The following ERAP1 variants were observed in gnomAD, a reference collection of about 807,000 sequenced individuals.
ERAP1 encodes the protein adipocyte-derived leucine aminopeptidase.
Under a neutral mutation model 103.7 loss-of-function variants are expected in ERAP1, and 86 were observed. The ratio of observed to expected loss-of-function variants is 0.83; its 90% CI spans 0.70 to 0.99. The LOEUF (loss-of-function observed/expected upper bound fraction) is 0.99, where lower values mean the gene tolerates loss of function less well. ERAP1 is among the 50% of genes least tolerant of loss of function. The pLI is 0.00. For missense variants in ERAP1, 1,009 were observed against 1,128.4 expected (o/e 0.89, Z 1.52); for synonymous variants, 398 against 402.4 (o/e 0.99, Z 0.13).
chr5:96,889,307 T>A, the ERAP1 span: 1 of 1,614,056 alleles, frequency 6.2e-7, no homozygotes, highest in East Asian at 2.2e-5. Context: ...CCAAACTGGG[T>A]ATGTTCAAAT....
At chr5:96,887,073 G>GTGTATATATA in the ERAP1 span, among the ~76,000 whole-genome samples, 7 of 87,162 alleles carry the variant, frequency 8.0e-5, no homozygotes, top group African/African-American at 3.1e-4. Context: ...AATTTTCAAA[G>GTGTATATATA]TATATATATA....
At chr5:96,834,720 T>A in the ERAP1 span, among the ~76,000 whole-genome samples, 1 of 152,232 alleles carries the variant, frequency 6.6e-6, no homozygotes, top group Non-Finnish European at 1.5e-5. Flanking sequence ...AACCTGTGAA[T>A]GTTATCACTG....
the ERAP1 span, chr5:96,934,721 A>G: frequency 1.3e-5 from 2 of 152,306 alleles, no homozygotes; most frequent in African/African-American, 4.8e-5. Flanking sequence ...TCCCTGTTTG[A>G]GCAGGCTGTT....
intron 16 of ERAP1, 44 bp from the exon 17 acceptor site, chr5:96,781,242 GA>G (rs750681839): frequency 6.3e-7 from 1 of 1,580,150 alleles, no homozygotes; most frequent in African/African-American, 1.4e-5. Flanking sequence ...AATAGGTGAT[GA>G]AACAGTTATG....
At chr5:96,928,836 T>C in the ERAP1 span, among the ~76,000 whole-genome samples, 2 of 152,048 alleles carry the variant, frequency 1.3e-5, no homozygotes, top group Non-Finnish European at 2.9e-5. Context: ...TCGCAATAGA[T>C]AGAAAACAAC....
At chr5:96,796,357 G>A (rs1777344007) in intron 4 of ERAP1, among the ~76,000 whole-genome samples, 1 of 152,202 alleles carries the variant, frequency 6.6e-6, no homozygotes, top group African/African-American at 2.4e-5. Context: ...GAACAAGTGT[G>A]CCTTGAAACA....
chr5:96,877,501 C>T, the ERAP1 span, among the ~76,000 whole-genome samples: 1 of 152,238 alleles, frequency 6.6e-6, no homozygotes, highest in Non-Finnish European at 1.5e-5. Context: ...TAATTACTTA[C>T]TTCCTATATG....
At chr5:96,869,330 C>A in the ERAP1 span, among the ~76,000 whole-genome samples, 1 of 152,230 alleles carries the variant, frequency 6.6e-6, no homozygotes, top group East Asian at 1.9e-4. Flanking sequence ...TCACCCTCTA[C>A]CCTCCACTGA....
At chr5:96,855,637 T>C in the ERAP1 span, among the ~76,000 whole-genome samples, 74 of 152,166 alleles carry the variant, frequency 4.9e-4, no homozygotes, top group Non-Finnish European at 8.5e-4. Context: ...GCGATGGCAT[T>C]TTGAAAACTA....
chr5:96,808,184 ATCCGTGTGTGTG>A (rs1424485579), upstream of ERAP1: 119 of 882,978 alleles, frequency 1.3e-4, 3 homozygotes, highest in Admixed American at 1.1e-3. Context: ...CTGAACGCGG[ATCCGTGTGTGTG>A]TGTGTGTGTG....
chr5:96,874,857 G>A, the ERAP1 span, among the ~76,000 whole-genome samples: 1 of 152,246 alleles, frequency 6.6e-6, no homozygotes. Context: ...TATGAAGAGT[G>A]TCTGCAACAT....
the ERAP1 span, chr5:96,917,584 T>C: frequency 6.2e-7 from 1 of 1,613,702 alleles, no homozygotes; most frequent in South Asian, 1.1e-5. Context: ...CTCTGAGGAC[T>C]TGGCTAATGG....
the ERAP1 span, among the ~76,000 whole-genome samples, chr5:96,865,061 C>A: frequency 6.6e-6 from 1 of 152,042 alleles, no homozygotes; most frequent in African/African-American, 2.4e-5. Flanking sequence ...AGAAATTTTT[C>A]TATGGATTTT....
the ERAP1 span, among the ~76,000 whole-genome samples, chr5:96,834,426 A>G: frequency 2.6e-5 from 4 of 152,234 alleles, no homozygotes; most frequent in Non-Finnish European, 5.9e-5. Context: ...CAATGGGCCT[A>G]TTATTAATGT....
chr5:96,851,423 A>C, the ERAP1 span, among the ~76,000 whole-genome samples: 1 of 152,194 alleles, frequency 6.6e-6, no homozygotes, highest in Non-Finnish European at 1.5e-5. Flanking sequence ...GGGAGAAATA[A>C]AAATCTCGAG....
intron 19 of ERAP1, among the ~76,000 whole-genome samples, chr5:96,763,485 G>A (rs1364300793): frequency 6.6e-6 from 1 of 152,196 alleles, no homozygotes; most frequent in African/African-American, 2.4e-5. Flanking sequence ...TCAGGCCAGA[G>A]ATTCTGCCCT....
In ERAP1 at chr5:96,783,054, A is replaced by C; in HGVS notation, c.2282T>G (p.Leu761Trp). 1 of 1,614,240 alleles carries C rather than the reference A, an allele frequency of 6.2e-7. No homozygotes were observed. Among genetic ancestry groups the C allele is most frequent in the Non-Finnish European group, 8.5e-7 (1 of 1,180,040 alleles). Residue 761 changes from leucine (L) to tryptophan (W), a missense_variant, in exon 15 of 19, where the codon TTG becomes TGG. Around this residue, in one of 3 missense-constraint regions of ERAP1, gnomAD observed 611 missense variants for 651.7 expected, o/e 0.94. Coordinates refer to ENST00000443439, the MANE Select transcript of ERAP1 (RefSeq NM_001040458.3). ...TGGTTATTTAGTAAGGACTGACCTC[A>C]AGTTTCCATTGGATTCCTTCCACTT... ...FRKWKESNGN[L>W]SLPVDVTLAV...
At position 96,795,093 on chromosome 5, in the gene ERAP1, G is replaced by C. The variant is rs1340169425; in HGVS notation, c.868C>G (p.Leu290Val). Residue 290 changes from leucine (L) to valine (V), a missense_variant, in exon 5 of 19, where the codon CTA becomes GTA. This residue lies in a region of ERAP1 where 392 missense variants were observed against 455.2 expected (regional missense o/e 0.86). Transcript: ENST00000443439. ...CTGAAATAATCCTCATAAAATTCTA[G>C]AAGAGTCACCGCAGCATCCAGTGCA... The part of the protein sequence containing the change: ...DYALDAAVTL[L>V]EFYEDYFSIP... 6.2e-7 allele frequency: 1 copy of C among 1,613,848 alleles called. No individual in the cohort carries two copies. The highest frequency in any genetic ancestry group is 8.5e-7 in the Non-Finnish European group (1 of 1,179,966).
the ERAP1 span, among the ~76,000 whole-genome samples, chr5:96,888,434 C>G: frequency 6.6e-6 from 1 of 152,192 alleles, no homozygotes; most frequent in Non-Finnish European, 1.5e-5. Context: ...GTTTTTATTG[C>G]TTCACCTATA....
Sources: gnomAD v4.1 joint callset for allele counts (sites outside exome capture counted in the v4.1 genomes callset) on GRCh38, gnomAD v4.1.1 for gene constraint, gnomAD v4.1.1 regional missense constraint, MANE v1.5 for transcripts, NCBI Gene and HGNC (gene_info 2026-07-23, HGNC 2026-07-21) for gene names.